The following CRYBB1 variants were observed in gnomAD, a reference collection of about 807,000 sequenced individuals.
CRYBB1 encodes crystallin beta B1, also known as beta-crystallin B1.
In CRYBB1, 16 loss-of-function variants were observed where a neutral mutation model predicts 29.5. The observed-to-expected ratio is 0.54, with a 90% CI of 0.37 to 0.82. The LOEUF is 0.82. Among genes scored for constraint, CRYBB1 ranks in the 40% least tolerant of loss-of-function variants. CRYBB1 has a pLI of 0.00. For synonymous variants in CRYBB1, 127 were observed against 136.7 expected (o/e 0.93, Z 0.49); for missense variants, 300 against 350.5 (o/e 0.86, Z 1.15).
At chr22:26,600,368 C>T (rs1454661012) in intron 5 of CRYBB1, among the ~76,000 whole-genome samples, 3 of 151,952 alleles carry the variant, frequency 2.0e-5, no homozygotes, top group East Asian at 3.9e-4. Flanking sequence ...CACCACTGTA[C>T]TCCAGCCTGA....
intron 3 of CRYBB1, among the ~76,000 whole-genome samples, chr22:26,608,883 A>G (rs1929068730): frequency 6.6e-6 from 1 of 152,130 alleles, no homozygotes; most frequent in Non-Finnish European, 1.5e-5. Flanking sequence ...GCTTATGAAG[A>G]TGCTAGGTTC....
intron 4 of CRYBB1, among the ~76,000 whole-genome samples, chr22:26,603,200 T>TCAGGCTCTGAAGGAGGCAGAGTAAA (rs1235023704): frequency 2.9e-4 from 44 of 151,720 alleles, no homozygotes; most frequent in Non-Finnish European, 5.0e-4. Context: ...GACATTTTAC[T>TCAGGCTCTGAAGGAGGCAGAGTAAA]CTGCCTCCTT....
chr22:26,602,590 CAA>C (rs3885494), intron 4 of CRYBB1, among the ~76,000 whole-genome samples: 36 of 132,152 alleles, frequency 2.7e-4, no homozygotes, highest in Middle Eastern at 3.9e-3. Flanking sequence ...GACCCTGTCT[CAA>C]AAAAAAAAAA....
Position 26,616,315 on chromosome 22 carries a change from G to C in CRYBB1, c.5C>G (p.Ser2Cys), listed in dbSNP as rs931244684. The change falls in exon 2 of 6, where the codon TCT (serine) becomes TGT (cysteine). Residue 2 changes from serine (S) to cysteine (C), a missense_variant. Physicochemically the swap from Ser to Cys is moderately radical, Grantham distance 112. Coordinates refer to ENST00000647684, the MANE Select transcript of CRYBB1 (RefSeq NM_001887.4). Reference sequence around the variant, plus strand: ...CGAGGCCGAGGCCTTTGCAGCCTGAGACATGGTTCCCGCCTGCAAAAGTCT... The same window carrying C: ...CGAGGCCGAGGCCTTTGCAGCCTGACACATGGTTCCCGCCTGCAAAAGTCT... M[S>C]QAAKASASAT... The C allele has an allele frequency of 3.1e-6, 5 of 1,613,286 alleles. No homozygotes were observed. The African/African-American group carries it at 4.0e-5, about 13-fold the overall frequency.
chr22:26,612,237 C>A, intron 2 of CRYBB1, 47 bp from the exon 3 acceptor site: 2 of 1,284,718 alleles, frequency 1.6e-6, no homozygotes, highest in South Asian at 1.2e-5. Context: ...AGGGGGGAGT[C>A]AAAAATTCAT....
intron 4 of CRYBB1, among the ~76,000 whole-genome samples, chr22:26,605,605 T>C (rs1602323309): frequency 7.5e-6 from 1 of 134,096 alleles, no homozygotes; most frequent in South Asian, 2.3e-4. Context: ...CCCAGGGAGG[T>C]GAAGGTTGCA....
intron 2 of CRYBB1, among the ~76,000 whole-genome samples, chr22:26,612,440 G>T (rs1602329793): frequency 6.6e-6 from 1 of 152,138 alleles, no homozygotes; most frequent in African/African-American, 2.4e-5. Flanking sequence ...ATGGCTCACT[G>T]CAACCTCCGC....
At chr22:26,612,945 C>G (rs1386002508) in intron 2 of CRYBB1, among the ~76,000 whole-genome samples, 1 of 152,172 alleles carries the variant, frequency 6.6e-6, no homozygotes, top group Non-Finnish European at 1.5e-5. Flanking sequence ...CACAACTAAC[C>G]CACCACACAG....
chr22:26,603,041 C>T (rs1446702101), intron 4 of CRYBB1, among the ~76,000 whole-genome samples: 2 of 148,320 alleles, frequency 1.3e-5, no homozygotes, highest in Non-Finnish European at 3.0e-5. Flanking sequence ...AGGAGAATGG[C>T]GTGAACCCAG....
At chr22:26,615,536 T>G (rs1333716024) in intron 2 of CRYBB1, among the ~76,000 whole-genome samples, 1 of 151,470 alleles carries the variant, frequency 6.6e-6, no homozygotes, top group African/African-American at 2.4e-5. Flanking sequence ...TTTTTTTTGA[T>G]GGAGTCTCCC....
At chr22:26,615,189 G>A (rs1929303093) in intron 2 of CRYBB1, among the ~76,000 whole-genome samples, 1 of 152,200 alleles carries the variant, frequency 6.6e-6, no homozygotes, top group Non-Finnish European at 1.5e-5. Context: ...GCCTACTTCT[G>A]TGACCTGAGG....
chr22:26,606,555 A>G (rs962169662), intron 4 of CRYBB1, among the ~76,000 whole-genome samples: 7 of 152,220 alleles, frequency 4.6e-5, no homozygotes, highest in African/African-American at 1.7e-4. Context: ...ACCCCTTAAC[A>G]TAGGTTGGCA....
chr22:26,609,788 A>G (rs1238169753), intron 3 of CRYBB1, among the ~76,000 whole-genome samples: 1 of 152,200 alleles, frequency 6.6e-6, no homozygotes, highest in Non-Finnish European at 1.5e-5. Flanking sequence ...ACAGACCTGA[A>G]TTCTAATCCA....
At position 26,599,644 on chromosome 22, in the gene CRYBB1, C is replaced by CG; in HGVS notation, c.604dup (p.Arg202ProfsTer11). The CG allele has an allele frequency of 6.2e-7, 1 of 1,614,130 alleles. No homozygotes were observed. Among genetic ancestry groups the CG allele is most frequent in the Non-Finnish European group, 8.5e-7 (1 of 1,179,988 alleles). On this transcript the variant is annotated frameshift_variant, in exon 6 of 6. Transcript: ENST00000647684. LOFTEE classifies it high-confidence loss of function. ...AGGCTCTAGGAGGTACTGGTACCCG[C>CG]GGTAGCCAGGATACTGATAGCCAAC...
At chr22:26,599,921 G>A (rs529520631) in intron 5 of CRYBB1, among the ~76,000 whole-genome samples, 2 of 152,344 alleles carry the variant, frequency 1.3e-5, no homozygotes, top group African/African-American at 2.4e-5. Flanking sequence ...TGCTGGGGGG[G>A]ACCAAATGGA....
chr22:26,611,938 G>A (rs978927373), intron 3 of CRYBB1, 134 bp downstream of exon 3: 48 of 745,700 alleles, frequency 6.4e-5, no homozygotes, highest in Non-Finnish European at 7.6e-5. Flanking sequence ...TTTGATATGA[G>A]GATTGGACAT....
chr22:26,609,922 G>A (rs1030143447), intron 3 of CRYBB1, among the ~76,000 whole-genome samples: 1 of 152,162 alleles, frequency 6.6e-6, no homozygotes, highest in Non-Finnish European at 1.5e-5. Flanking sequence ...GGGCCTAAAA[G>A]AGGGAATGCA....
intron 2 of CRYBB1, among the ~76,000 whole-genome samples, chr22:26,614,514 A>T (rs913125816): frequency 1.2e-4 from 19 of 152,324 alleles, no homozygotes; most frequent in African/African-American, 3.6e-4. Flanking sequence ...GAGCAAAGCT[A>T]GCAACCACTG....
At chr22:26,615,914 AG>A (rs1313589442) in intron 2 of CRYBB1, among the ~76,000 whole-genome samples, 2 of 152,148 alleles carry the variant, frequency 1.3e-5, no homozygotes, top group South Asian at 4.1e-4. Flanking sequence ...GAGGAGGCCA[AG>A]GTGAGGGAAA....
Sources: gnomAD v4.1 joint callset for allele counts (sites outside exome capture counted in the v4.1 genomes callset) on GRCh38, gnomAD v4.1.1 for gene constraint, MANE v1.5 for transcripts, NCBI Gene and HGNC (gene_info 2026-07-23, HGNC 2026-07-21) for gene names.